The following RNF182 variants were observed in gnomAD, a reference collection of about 807,000 sequenced individuals.
RNF182 encodes the protein ring finger protein 182.
RNF182 carries 15 observed loss-of-function variants against 14.4 expected under a neutral mutation model. The observed-to-expected ratio is 1.04, with a 90% CI of 0.70 to 1.60. RNF182 has a LOEUF of 1.60. Among genes scored for constraint, RNF182 ranks in the 40% most tolerant of loss-of-function variants. The pLI is 0.00. For synonymous variants in RNF182, 128 were observed against 122.9 expected (o/e 1.04, Z -0.27); for missense variants, 268 against 294.8 (o/e 0.91, Z 0.67).
chr6:13,957,183 G>GT (rs1260060223), intron 1 of RNF182, among the ~76,000 whole-genome samples: 2 of 152,096 alleles, frequency 1.3e-5, no homozygotes, highest in Non-Finnish European at 2.9e-5. Context: ...TTCTTTTTAT[G>GT]TAAGTATCAT....
chr6:13,955,851 A>C (rs1214106854), intron 1 of RNF182, among the ~76,000 whole-genome samples: 1 of 152,132 alleles, frequency 6.6e-6, no homozygotes, highest in Non-Finnish European at 1.5e-5. Flanking sequence ...CCAGGAGTTC[A>C]AGACCAGCCT....
chr6:13,957,831 C>G (rs769143737), intron 1 of RNF182, among the ~76,000 whole-genome samples: 5 of 152,138 alleles, frequency 3.3e-5, no homozygotes, highest in Non-Finnish European at 7.3e-5. Flanking sequence ...ACAAAGTATA[C>G]TTCTTCAGGT....
intron 1 of RNF182, among the ~76,000 whole-genome samples, chr6:13,964,297 TAA>T (rs1759957092): frequency 6.6e-6 from 1 of 152,184 alleles, no homozygotes; most frequent in Non-Finnish European, 1.5e-5. Context: ...AGGAGAATTC[TAA>T]AAAGTGAATT....
chr6:13,949,716 CG>C (rs1252121504), intron 1 of RNF182: 1 of 232,620 alleles, frequency 4.3e-6, no homozygotes, highest in Non-Finnish European at 8.7e-6. Flanking sequence ...TCTTTGTGTA[CG>C]ATATCTTCAC....
At chr6:13,937,162 AC>A (rs1759132453) in intron 1 of RNF182, among the ~76,000 whole-genome samples, 1 of 152,234 alleles carries the variant, frequency 6.6e-6, no homozygotes, top group Non-Finnish European at 1.5e-5. Context: ...ATTTTTAAAT[AC>A]ATTTGTTATT....
intron 1 of RNF182, chr6:13,961,673 C>T (rs138985907): frequency 1.4e-4 from 22 of 152,306 alleles, no homozygotes; most frequent in Non-Finnish European, 2.9e-4. Flanking sequence ...ATAGTGGCCT[C>T]TCTTCCAAAA....
At chr6:13,932,383 C>T (rs1002954019) in intron 1 of RNF182, among the ~76,000 whole-genome samples, 1 of 152,148 alleles carries the variant, frequency 6.6e-6, no homozygotes, top group Admixed American at 6.5e-5. Context: ...CAATCATCTT[C>T]ACTTTTTCTT....
At chr6:13,967,314 CA>C (rs1411121060) in intron 1 of RNF182, among the ~76,000 whole-genome samples, 2 of 151,954 alleles carry the variant, frequency 1.3e-5, no homozygotes, top group African/African-American at 4.8e-5. Flanking sequence ...TATATAATGA[CA>C]AAAAGAGGCA....
chr6:13,935,062 G>C (rs1194877978), intron 1 of RNF182, among the ~76,000 whole-genome samples: 1 of 152,004 alleles, frequency 6.6e-6, no homozygotes, highest in African/African-American at 2.4e-5. Context: ...GTGTAGAGAT[G>C]GTCTGGGAAA....
intron 1 of RNF182, among the ~76,000 whole-genome samples, chr6:13,960,799 A>G (rs182648279): frequency 1.3e-5 from 2 of 152,296 alleles, no homozygotes; most frequent in African/African-American, 4.8e-5. Context: ...CATATAACCT[A>G]TGCTAATTTC....
chr6:13,952,982 A>T (rs1759633362), intron 1 of RNF182, among the ~76,000 whole-genome samples: 1 of 152,244 alleles, frequency 6.6e-6, no homozygotes, highest in Non-Finnish European at 1.5e-5. Context: ...TTTTTAAAGC[A>T]AAACTTATTC....
chr6:13,942,360 G>A (rs1353474242), intron 1 of RNF182, among the ~76,000 whole-genome samples: 1 of 151,838 alleles, frequency 6.6e-6, no homozygotes, highest in East Asian at 1.9e-4. Context: ...AATTTTTTTT[G>A]AGACAAAATC....
At chr6:13,935,303 T>TG (rs1759079934) in intron 1 of RNF182, among the ~76,000 whole-genome samples, 3 of 133,054 alleles carry the variant, frequency 2.3e-5, no homozygotes, top group Admixed American at 2.2e-4. Context: ...AGAAACAATG[T>TG]CTTTTTTTTT....
intron 1 of RNF182, among the ~76,000 whole-genome samples, chr6:13,937,168 G>A (rs903631742): frequency 6.6e-6 from 1 of 152,118 alleles, no homozygotes; most frequent in Non-Finnish European, 1.5e-5. Flanking sequence ...AAATACATTT[G>A]TTATTGAAGG....
At chr6:13,941,459 C>T (rs1759297584) in intron 1 of RNF182, among the ~76,000 whole-genome samples, 1 of 151,996 alleles carries the variant, frequency 6.6e-6, no homozygotes, top group Non-Finnish European at 1.5e-5. Flanking sequence ...TTATAAGCCG[C>T]ATATAGCTGG....
At chr6:13,930,415 A>G (rs1230020590) in intron 1 of RNF182, among the ~76,000 whole-genome samples, 4 of 152,160 alleles carry the variant, frequency 2.6e-5, no homozygotes, top group Non-Finnish European at 4.4e-5. Context: ...TATCTTGGAA[A>G]TGTTGATCCA....
Position 13,968,080 on chromosome 6 carries a change from TAGAG to T in RNF182, c.-366-6129_-366-6126del, listed in dbSNP as rs1169327419. Among the ~76,000 whole-genome samples, 49 of 151,868 alleles carry T rather than the reference TAGAG, an allele frequency of 3.2e-4. 1 individual carries two copies. In the East Asian group the frequency reaches 8.5e-3, roughly 26 times the overall value. On this transcript the variant is annotated intron_variant, in intron 1 of 2. Coordinates refer to ENST00000488300, the MANE Select transcript of RNF182 (RefSeq NM_152737.4). ...AAAATCATAACAAACAAAAATAAAT[TAGAG>T]GGAATAATAAAGATAAAAGCTGAAA...
intron 1 of RNF182, among the ~76,000 whole-genome samples, chr6:13,969,605 A>G (rs1249778113): frequency 6.6e-6 from 1 of 152,238 alleles, no homozygotes; most frequent in Non-Finnish European, 1.5e-5. Context: ...GCTTTAAAAT[A>G]TAAGCCAAGT....
intron 1 of RNF182, among the ~76,000 whole-genome samples, chr6:13,937,366 C>T (rs905038341): frequency 6.6e-6 from 1 of 152,196 alleles, no homozygotes; most frequent in Non-Finnish European, 1.5e-5. Flanking sequence ...AATTCTAACA[C>T]TGTTGATTAG....
Sources: allele counts gnomAD v4.1 joint callset (sites outside exome capture counted in the v4.1 genomes callset), GRCh38; gene constraint gnomAD v4.1.1; transcripts MANE v1.5; gene names NCBI Gene and HGNC (gene_info 2026-07-23, HGNC 2026-07-21).